The following ABCB11 variants were observed in gnomAD, a reference collection of about 807,000 sequenced individuals.
ABCB11 encodes ATP binding cassette subfamily B member 11, also known as bile salt export pump.
Under a neutral mutation model 148.0 loss-of-function variants are expected in ABCB11, and 95 were observed. The ratio of observed to expected loss-of-function variants is 0.64; its 90% confidence interval spans 0.54 to 0.76. The LOEUF (loss-of-function observed/expected upper bound fraction) is 0.76. ABCB11 is among the 30% of genes least tolerant of loss of function. The probability of loss-of-function intolerance (pLI) is 0.00; values close to 1 mark genes in which losing one functional copy is unlikely to be tolerated. For missense variants in ABCB11, 1,523 were observed against 1,617.8 expected, an observed-to-expected ratio of 0.94 and a Z score of 1.01; for synonymous variants, 591 against 555.4, an observed-to-expected ratio of 1.06 and a Z score of -0.90.
intron 10 of ABCB11, among the ~76,000 whole-genome samples, 169 bp downstream of exon 10, chr2:168,985,941 G>C (rs1386220714): frequency 6.6e-6 from 1 of 151,664 alleles, no homozygotes; most frequent in Non-Finnish European, 1.5e-5. Context: ...AAAAAATTAT[G>C]GAAATAAAAA....
intron 10 of ABCB11, among the ~76,000 whole-genome samples, chr2:168,980,816 C>T (rs1316725220): frequency 6.6e-6 from 1 of 152,060 alleles, no homozygotes; most frequent in African/African-American, 2.4e-5. Flanking sequence ...CCTGATCATG[C>T]CCAGATGTTC....
At position 168,990,876 on chromosome 2, in the gene ABCB11, C is replaced by T. The variant is rs1253763035; in HGVS notation, c.833G>A (p.Gly278Glu). Reference protein sequence around the residue: ...DYELKAYAKAGVVADEVISSM... With the variant: ...DYELKAYAKAEVVADEVISSM... ...TGAAATGACTTCATCAGCCACCACC[C>T]CTGCTTTGGCATAGGCCTTCAGCTC... The change falls in exon 9 of 28, where the codon GGG becomes GAG. Residue 278 changes from glycine (G) to glutamate (E), a missense_variant. Physicochemically the swap from Gly to Glu is moderately conservative, Grantham distance 98 (BLOSUM62 -2). Coordinates refer to ENST00000650372, the MANE Select transcript of ABCB11 (RefSeq NM_003742.4). The T allele has an allele frequency of 3.1e-6, 5 of 1,613,212 alleles. No homozygotes were observed. The highest frequency in any genetic ancestry group is 4.2e-6 in the Non-Finnish European group (5 of 1,179,408).
intron 8 of ABCB11, among the ~76,000 whole-genome samples, chr2:168,991,823 A>T (rs1694532734): frequency 1.3e-5 from 2 of 149,810 alleles, no homozygotes; most frequent in Admixed American, 6.7e-5. Flanking sequence ...TGTAACAGTA[A>T]GGAAAGTGAG....
intron 14 of ABCB11, chr2:168,970,435 T>C: frequency 7.9e-7 from 1 of 1,273,828 alleles, no homozygotes; most frequent in Non-Finnish European, 1.1e-6. Flanking sequence ...TTCCAGGGTT[T>C]ACTGGGCTGT....
At position 168,993,703 on chromosome 2, in the gene ABCB11, A is replaced by C. The variant is rs1558914711; in HGVS notation, c.783+8T>G. On this transcript the variant is annotated splice_region_variant and intron_variant, in intron 8 of 27. Transcript: ENST00000650372. The stretch of plus-strand genomic sequence containing the variant: ...TTCCCATGGAGAGATGCAAAAAGAC[A>C]TTCTTACCAGACCAATGGTGGCTGC... The C allele has an allele frequency of 6.2e-7, 1 of 1,605,900 alleles. No homozygotes were observed. The highest frequency in any genetic ancestry group is 1.1e-5 in the South Asian group (1 of 89,488).
intron 21 of ABCB11, among the ~76,000 whole-genome samples, chr2:168,941,833 T>A (rs1692074257): frequency 6.6e-6 from 1 of 152,048 alleles, no homozygotes; most frequent in African/African-American, 2.4e-5. Flanking sequence ...ATTAATAAAT[T>A]AAGATATGTA....
intron 1 of ABCB11, among the ~76,000 whole-genome samples, chr2:169,026,945 C>T (rs928370807): frequency 6.6e-6 from 1 of 152,186 alleles, no homozygotes; most frequent in African/African-American, 2.4e-5. Flanking sequence ...CCTAGTTCTA[C>T]TGTCTCGGCC....
At chr2:168,967,247 C>CATGACAG (rs1693358892) in intron 17 of ABCB11, among the ~76,000 whole-genome samples, 1 of 151,852 alleles carries the variant, frequency 6.6e-6, no homozygotes, top group Admixed American at 6.6e-5. Context: ...ATACCTTTTA[C>CATGACAG]ATGACAGAGT....
intron 12 of ABCB11, among the ~76,000 whole-genome samples, chr2:168,974,815 T>G (rs1693744993): frequency 6.6e-6 from 1 of 151,848 alleles, no homozygotes; most frequent in Non-Finnish European, 1.5e-5. Flanking sequence ...TGTGTATTAC[T>G]TTGTAATTCA....
Position 168,936,500 on chromosome 2 carries a change from A to G in ABCB11, c.2611-67T>C, listed in dbSNP as rs973640891. ...CGCTTTTACCAATTACCATTACACA[A>G]AAAGGTCAGACCTTTTATAAAGTTG... On this transcript the variant is annotated intron_variant, in intron 21 of 27. Transcript: ENST00000650372. 3.5e-6 allele frequency: 5 copies of G among 1,446,614 alleles called. No individual in the cohort carries two copies. In the African/African-American group the frequency reaches 5.6e-5, roughly 16 times the overall value. The allele number at this position is 1,446,614 out of a possible 1,614,324, so 89.6% of individuals were successfully genotyped here. A position where few individuals can be genotyped will look rare whatever the true frequency, so the allele number is the denominator to read the frequency against.
intron 1 of ABCB11, among the ~76,000 whole-genome samples, chr2:169,022,035 C>A (rs890637510): frequency 1.3e-5 from 2 of 151,904 alleles, no homozygotes; most frequent in Non-Finnish European, 2.9e-5. Context: ...CTTTAAAATA[C>A]ATATGCAGAT....
chr2:168,954,308 T>C (rs534512804), intron 19 of ABCB11, among the ~76,000 whole-genome samples: 6 of 151,784 alleles, frequency 4.0e-5, no homozygotes, highest in Admixed American at 3.3e-4. Flanking sequence ...TTATTTTATA[T>C]GAACTGTGAG....
chr2:169,005,707 T>C (rs566703088), intron 5 of ABCB11, among the ~76,000 whole-genome samples: 20 of 152,118 alleles, frequency 1.3e-4, no homozygotes, highest in Non-Finnish European at 2.8e-4. Flanking sequence ...TTTTTAGTGT[T>C]CTTACAACAA....
chr2:168,927,038 T>C (rs1331937629), intron 26 of ABCB11, 118 bp downstream of exon 26: 12 of 1,063,076 alleles, frequency 1.1e-5, no homozygotes, highest in East Asian at 2.4e-5. Flanking sequence ...ATTTTTGAAT[T>C]TTGGAACATT....
intron 24 of ABCB11, among the ~76,000 whole-genome samples, chr2:168,931,720 C>T (rs772569717): frequency 1.3e-5 from 2 of 152,106 alleles, no homozygotes; most frequent in Non-Finnish European, 2.9e-5. Flanking sequence ...GGACAACTGG[C>T]TTCATTCATT....
At chr2:168,956,449 G>A (rs896745745) in intron 19 of ABCB11, among the ~76,000 whole-genome samples, 4 of 151,618 alleles carry the variant, frequency 2.6e-5, no homozygotes, top group African/African-American at 9.7e-5. Flanking sequence ...TCAGTTGCTT[G>A]TTCCAATTTT....
chr2:169,013,322 T>C lies in ABCB11; in HGVS notation c.339A>G (p.Val113=). The change falls in exon 5 of 28, where the codon GTA becomes GTG. Residue 113 remains valine, a synonymous_variant. Transcript: ENST00000650372. The stretch of plus-strand genomic sequence containing the variant: ...TCTGGTTGAGGGAACTGTTAGTCCA[T>C]ACAATGGTGTTATTCACACATGCTT... ...PGKACVNNTI[V]WTNSSLNQNM... 1 of 1,613,874 alleles carries C rather than the reference T, an allele frequency of 6.2e-7. No individual in the cohort carries two copies. Among genetic ancestry groups the C allele is most frequent in the Non-Finnish European group, 8.5e-7 (1 of 1,179,768 alleles).
intron 5 of ABCB11, among the ~76,000 whole-genome samples, chr2:169,010,651 T>C (rs181380318): frequency 1.3e-5 from 2 of 152,284 alleles, no homozygotes; most frequent in East Asian, 3.9e-4. Flanking sequence ...ACTTTGGAGG[T>C]ATATAAACTA....
At chr2:168,983,456 A>G (rs1694202106) in intron 10 of ABCB11, among the ~76,000 whole-genome samples, 1 of 152,172 alleles carries the variant, frequency 6.6e-6, no homozygotes, top group Admixed American at 6.6e-5. Flanking sequence ...GTTAAATTAT[A>G]AAATTGGTAA....
Sources: allele counts gnomAD v4.1 joint callset (sites outside exome capture counted in the v4.1 genomes callset), GRCh38; gene constraint gnomAD v4.1.1; transcripts MANE v1.5; gene names NCBI Gene and HGNC (gene_info 2026-07-23, HGNC 2026-07-21).